The following GALNTL6 variants were observed in gnomAD, a reference collection of about 807,000 sequenced individuals.
GALNTL6 encodes the protein polypeptide N-acetylgalactosaminyltransferase like 6.
A neutral mutation model predicts 73.7 loss-of-function variants in GALNTL6; 46 were observed. That is an observed-to-expected ratio of 0.62 (90% CI 0.49 to 0.80). The LOEUF is 0.80. GALNTL6 is among the 30% of genes least tolerant of loss of function. The pLI is 0.00. For synonymous variants in GALNTL6, 259 were observed against 263.7 expected (o/e 0.98, Z 0.17); for missense variants, 604 against 755.0 (o/e 0.80, Z 2.34).
intron 5 of GALNTL6, among the ~76,000 whole-genome samples, chr4:172,745,446 T>TATATATATATATACACAC (rs34523518): frequency 0.013 from 1,818 of 145,184 alleles, 28 homozygotes; most frequent in Non-Finnish European, 0.017. Context: ...TATATATATG[T>TATATATATATATACACAC]ACACATAACT....
intron 2 of GALNTL6, chr4:172,052,645 T>G (rs914612258): frequency 4.7e-5 from 28 of 601,924 alleles, no homozygotes; most frequent in Non-Finnish European, 7.6e-5. Flanking sequence ...CTCACCATCA[T>G]CTCTTTCTTT....
chr4:172,523,787 C>T, intron 5 of GALNTL6, among the ~76,000 whole-genome samples: 1 of 152,124 alleles, frequency 6.6e-6, no homozygotes, highest in East Asian at 1.9e-4. Context: ...TTCTTCTCTA[C>T]ACTCTCTTAA....
intron 4 of GALNTL6, among the ~76,000 whole-genome samples, chr4:172,320,978 C>T (rs945620087): frequency 6.6e-6 from 1 of 152,088 alleles, no homozygotes; most frequent in African/African-American, 2.4e-5. Context: ...TGTGGTCAAT[C>T]ATAGTCAAAA....
intron 12 of GALNTL6, among the ~76,000 whole-genome samples, chr4:173,037,729 T>C (rs992431385): frequency 3.3e-5 from 5 of 152,008 alleles, no homozygotes; most frequent in African/African-American, 1.2e-4. Context: ...TGTGCTCATC[T>C]GGAGGGTCCA....
chr4:172,004,862 T>C (rs1451381384), intron 2 of GALNTL6, among the ~76,000 whole-genome samples: 4 of 151,712 alleles, frequency 2.6e-5, no homozygotes, highest in Non-Finnish European at 5.9e-5. Flanking sequence ...AAGTTACAAC[T>C]CTGTATGTAA....
intron 5 of GALNTL6, among the ~76,000 whole-genome samples, chr4:172,627,259 C>T (rs1739204485): frequency 6.6e-6 from 1 of 152,004 alleles, no homozygotes; most frequent in Non-Finnish European, 1.5e-5. Flanking sequence ...GATCATATGG[C>T]TTTTGTTTTT....
intron 5 of GALNTL6, among the ~76,000 whole-genome samples, chr4:172,606,149 C>T (rs1361110323): frequency 2.0e-5 from 3 of 151,950 alleles, no homozygotes; most frequent in African/African-American, 7.3e-5. Flanking sequence ...GCCTTGTGAG[C>T]CATAATATAT....
At chr4:172,706,545 A>G (rs1734366134) in intron 5 of GALNTL6, among the ~76,000 whole-genome samples, 1 of 151,858 alleles carries the variant, frequency 6.6e-6, no homozygotes, top group African/African-American at 2.4e-5. Flanking sequence ...CACTTAAGGG[A>G]GAATTATTTA....
At chr4:172,747,033 A>G (rs1350361385) in intron 5 of GALNTL6, among the ~76,000 whole-genome samples, 1 of 152,136 alleles carries the variant, frequency 6.6e-6, no homozygotes, top group East Asian at 1.9e-4. Flanking sequence ...ATGTTTATAT[A>G]CTAACAACAA....
At chr4:172,018,697 C>A (rs1465067446) in intron 2 of GALNTL6, among the ~76,000 whole-genome samples, 1 of 152,132 alleles carries the variant, frequency 6.6e-6, no homozygotes, top group African/African-American at 2.4e-5. Flanking sequence ...ACAATACCAA[C>A]TTCTGCACTC....
intron 2 of GALNTL6, among the ~76,000 whole-genome samples, chr4:172,043,238 A>G (rs1027810085): frequency 3.3e-5 from 5 of 152,032 alleles, no homozygotes; most frequent in Admixed American, 6.6e-5. Flanking sequence ...CTGAAATGTA[A>G]TCTCTTTATA....
At chr4:172,979,057 A>C (rs1750962241) in intron 10 of GALNTL6, among the ~76,000 whole-genome samples, 1 of 152,372 alleles carries the variant, frequency 6.6e-6, no homozygotes, top group East Asian at 1.9e-4. Context: ...CGAGTAATCA[A>C]CGTAAGTCAC....
intron 2 of GALNTL6, among the ~76,000 whole-genome samples, chr4:172,196,226 A>T (rs901215831): frequency 7.2e-5 from 11 of 152,148 alleles, no homozygotes; most frequent in Admixed American, 3.3e-4. Flanking sequence ...GAACACATAC[A>T]TCCTCCCAAG....
chr4:172,684,058 C>T (rs982907822), intron 5 of GALNTL6, among the ~76,000 whole-genome samples: 1 of 152,132 alleles, frequency 6.6e-6, no homozygotes, highest in African/African-American at 2.4e-5. Flanking sequence ...AGATCGCTGT[C>T]CATTCCTTAT....
At chr4:172,634,698 A>C (rs940887642) in intron 5 of GALNTL6, among the ~76,000 whole-genome samples, 1 of 152,160 alleles carries the variant, frequency 6.6e-6, no homozygotes, top group Non-Finnish European at 1.5e-5. Context: ...TGTTTAATAA[A>C]CTTTATTACT....
At chr4:172,994,220 T>C (rs942560771) in intron 10 of GALNTL6, among the ~76,000 whole-genome samples, 42 of 152,128 alleles carry the variant, frequency 2.8e-4, no homozygotes, top group African/African-American at 9.7e-4. Flanking sequence ...TTGGAAGGAG[T>C]ATATTTGCTT....
At chr4:171,983,602 T>C (rs1367951389) in intron 2 of GALNTL6, among the ~76,000 whole-genome samples, 4 of 151,988 alleles carry the variant, frequency 2.6e-5, no homozygotes, top group Non-Finnish European at 5.9e-5. Flanking sequence ...AGAGATCCTC[T>C]CACCTGAGCC....
intron 5 of GALNTL6, among the ~76,000 whole-genome samples, chr4:172,360,934 A>G (rs1157641040): frequency 6.6e-6 from 1 of 152,170 alleles, no homozygotes; most frequent in Non-Finnish European, 1.5e-5. Flanking sequence ...AGTCCTGCAC[A>G]GAAGTTTGCA....
intron 2 of GALNTL6, among the ~76,000 whole-genome samples, chr4:172,158,455 C>T (rs943030915): frequency 6.6e-6 from 1 of 151,282 alleles, no homozygotes; most frequent in Non-Finnish European, 1.5e-5. Context: ...CTGACTTTTC[C>T]ATATCAAACT....
Sources: allele counts gnomAD v4.1 joint callset (sites outside exome capture counted in the v4.1 genomes callset), GRCh38; gene constraint gnomAD v4.1.1; transcripts MANE v1.5; gene names NCBI Gene and HGNC (gene_info 2026-07-23, HGNC 2026-07-21).